PTPRZ1: variants seen among roughly 807,000 people sequenced by gnomAD.
PTPRZ1 encodes the protein receptor-type tyrosine-protein phosphatase zeta.
PTPRZ1 carries 82 observed loss-of-function variants against 214.1 expected under a neutral mutation model. The observed-to-expected ratio is 0.38, with a 90% CI of 0.32 to 0.46. The LOEUF is 0.46. PTPRZ1 is among the 20% of genes least tolerant of loss of function. PTPRZ1 has a pLI of 1.00. For missense variants in PTPRZ1, 2,603 were observed against 2,748.7 expected (o/e 0.95, Z 1.19); for synonymous variants, 945 against 987.9 (o/e 0.96, Z 0.81).
At chr7:122,017,997 A>G (rs770290938) in intron 12 of PTPRZ1, among the ~76,000 whole-genome samples, 1 of 152,192 alleles carries the variant, frequency 6.6e-6, no homozygotes, top group Non-Finnish European at 1.5e-5. Flanking sequence ...AATGCTATAT[A>G]TGTGCACTTA....
chr7:121,947,905 G>A (rs533678784), intron 2 of PTPRZ1, among the ~76,000 whole-genome samples: 26 of 152,140 alleles, frequency 1.7e-4, no homozygotes, highest in African/African-American at 2.4e-4. Flanking sequence ...GGAATTTCAC[G>A]CACTATTGAA....
At chr7:121,919,782 T>C (rs2116339286) in intron 1 of PTPRZ1, among the ~76,000 whole-genome samples, 1 of 149,068 alleles carries the variant, frequency 6.7e-6, no homozygotes, top group Admixed American at 6.7e-5. Context: ...TCTATGTTAG[T>C]GCTGTTTGCT....
In PTPRZ1 at chr7:121,997,860, T is replaced by G; in HGVS notation, c.1114-20T>G. 1 of 1,591,184 alleles carries G rather than the reference T, an allele frequency of 6.3e-7. No individual in the cohort carries two copies. Among genetic ancestry groups the G allele is most frequent in the African/African-American group, 1.3e-5 (1 of 74,258 alleles). On this transcript the variant is annotated intron_variant, in intron 9 of 29. Coordinates refer to ENST00000393386, the MANE Select transcript of PTPRZ1 (RefSeq NM_002851.3). ...CCTATGAGAATAACATTTGTATAAT[T>G]ACTAACATCTTTCTTTTAGGGTGCT...
chr7:121,940,803 A>ATTAT (rs1796218248), intron 2 of PTPRZ1, among the ~76,000 whole-genome samples: 1 of 151,604 alleles, frequency 6.6e-6, no homozygotes, highest in Non-Finnish European at 1.5e-5. Flanking sequence ...TCACCTGCCA[A>ATTAT]ATGAAAAAAA....
At chr7:122,000,611 A>G (rs2116623912) in intron 10 of PTPRZ1, among the ~76,000 whole-genome samples, 1 of 139,600 alleles carries the variant, frequency 7.2e-6, no homozygotes, top group East Asian at 2.1e-4. Flanking sequence ...AATGAAAAAG[A>G]TAATTTATAA....
intron 1 of PTPRZ1, among the ~76,000 whole-genome samples, chr7:121,902,049 T>C (rs1467052760): frequency 6.6e-6 from 1 of 152,172 alleles, no homozygotes; most frequent in African/African-American, 2.4e-5. Flanking sequence ...ACTCTTCTAC[T>C]CTCTACTTCT....
At chr7:121,986,595 G>C (rs79793000) in intron 8 of PTPRZ1, among the ~76,000 whole-genome samples, 7 of 152,054 alleles carry the variant, frequency 4.6e-5, no homozygotes, top group Non-Finnish European at 1.0e-4. Flanking sequence ...TGTAGGAATC[G>C]ATTTTATTCC....
Position 121,996,547 on chromosome 7 carries a change from C to T in PTPRZ1, c.1094C>T (p.Thr365Ile). ...GEDQTKHEFL[T>I]DGYQDLGAIL... ...GACCAAACCAAGCATGAATTTTTGACAGATGGCTATCAAGACTTGGTAACT... is the reference window on the plus strand; with the variant it reads ...GACCAAACCAAGCATGAATTTTTGATAGATGGCTATCAAGACTTGGTAACT... Residue 365 changes from threonine (T) to isoleucine (I), a missense_variant, in exon 9 of 30, where the codon ACA (threonine) becomes ATA (isoleucine). Thr to Ile is a moderately conservative substitution (Grantham distance 89). Coordinates refer to ENST00000393386, the MANE Select transcript of PTPRZ1 (RefSeq NM_002851.3). 6.3e-7 allele frequency: 1 copy of T among 1,582,030 alleles called. No homozygotes were observed. Among genetic ancestry groups the T allele is most frequent in the South Asian group, 1.1e-5 (1 of 89,956 alleles).
At chr7:121,953,889 C>T (rs1318123573) in intron 2 of PTPRZ1, among the ~76,000 whole-genome samples, 2 of 152,134 alleles carry the variant, frequency 1.3e-5, no homozygotes, top group South Asian at 2.1e-4. Context: ...TGACAAGGGA[C>T]TCAGCAATCA....
chr7:122,033,728 A>G (rs1014422335), intron 15 of PTPRZ1: 31 of 187,252 alleles, frequency 1.7e-4, no homozygotes, highest in Non-Finnish European at 2.6e-4. Flanking sequence ...CAGAGTTTCA[A>G]ATAGTGCTAC....
chr7:122,004,276 C>T (rs1028073045), intron 10 of PTPRZ1, among the ~76,000 whole-genome samples: 12 of 152,178 alleles, frequency 7.9e-5, no homozygotes, highest in Middle Eastern at 3.4e-3. Flanking sequence ...AAATTATTTG[C>T]GTTTCTTTAC....
intron 1 of PTPRZ1, among the ~76,000 whole-genome samples, chr7:121,902,143 A>G (rs899081606): frequency 7.9e-5 from 12 of 152,224 alleles, no homozygotes; most frequent in South Asian, 2.1e-4. Flanking sequence ...TTCACTTAAC[A>G]TAATATCCTC....
intron 6 of PTPRZ1, among the ~76,000 whole-genome samples, 175 bp downstream of exon 6, chr7:121,977,026 C>A (rs1432369835): frequency 6.6e-6 from 1 of 152,054 alleles, no homozygotes; most frequent in Non-Finnish European, 1.5e-5. Context: ...AAATAAATAA[C>A]AATTTATCAG....
At chr7:121,896,481 G>T (rs1794786703) in intron 1 of PTPRZ1, among the ~76,000 whole-genome samples, 1 of 152,026 alleles carries the variant, frequency 6.6e-6, no homozygotes, top group Non-Finnish European at 1.5e-5. Flanking sequence ...CAGAAAATTT[G>T]GTATATGTAT....
At chr7:121,895,349 A>C (rs1160235271) in intron 1 of PTPRZ1, among the ~76,000 whole-genome samples, 2 of 152,136 alleles carry the variant, frequency 1.3e-5, no homozygotes, top group East Asian at 3.9e-4. Context: ...TAGATTATTG[A>C]ATTGTAGGCT....
intron 1 of PTPRZ1, chr7:121,908,757 C>T (rs1326420902): frequency 2.0e-6 from 1 of 494,462 alleles, no homozygotes; most frequent in South Asian, 1.5e-5. Context: ...AATAACATTA[C>T]TAATGACACT....
chr7:121,910,416 T>G lies in PTPRZ1; in HGVS notation c.59-17740T>G, dbSNP rs2116305419. Among the ~76,000 whole-genome samples the G allele has an allele frequency of 2.6e-5, 4 of 152,294 alleles. 1 individual carries two copies. In the South Asian group the frequency reaches 8.3e-4, roughly 32 times the overall value. On this transcript the variant is annotated intron_variant, in intron 1 of 29. Coordinates refer to ENST00000393386, the MANE Select transcript of PTPRZ1 (RefSeq NM_002851.3). ...AACTTTCTATCTCCCCTTGCTACAA[T>G]GTGAACTACACAAGGACAACATGTT...
intron 1 of PTPRZ1, among the ~76,000 whole-genome samples, chr7:121,891,857 G>A (rs1380064387): frequency 6.6e-6 from 1 of 151,924 alleles, no homozygotes; most frequent in Non-Finnish European, 1.5e-5. Flanking sequence ...ATTGTCAAAA[G>A]TGAAGCTGTT....
chr7:121,885,715 A>G (rs1407352034), intron 1 of PTPRZ1, among the ~76,000 whole-genome samples: 2 of 152,222 alleles, frequency 1.3e-5, no homozygotes, highest in Non-Finnish European at 2.9e-5. Context: ...CAAAATGCCC[A>G]TAAGAAAGTA....
Sources: gnomAD v4.1 joint callset for allele counts (sites outside exome capture counted in the v4.1 genomes callset) on GRCh38, gnomAD v4.1.1 for gene constraint, MANE v1.5 for transcripts, NCBI Gene and HGNC (gene_info 2026-07-23, HGNC 2026-07-21) for gene names.